PCDH15: variants seen among roughly 807,000 people sequenced by gnomAD.
The protein encoded by PCDH15 is protocadherin-15.
A neutral mutation model predicts 178.5 loss-of-function variants in PCDH15; 129 were observed. That is an observed-to-expected ratio of 0.72 (90% CI 0.63 to 0.84). The LOEUF is 0.84. Ranked by LOEUF, PCDH15 falls within the 40% of genes least tolerant of loss-of-function variation. The pLI is 0.00. For synonymous variants in PCDH15, 800 were observed against 732.0 expected, an observed-to-expected ratio of 1.09 and a Z score of -1.50; for missense variants, 2,230 against 2,099.9, an observed-to-expected ratio of 1.06 and a Z score of -1.21.
chr10:53,838,173 C>T (rs1330810249), intron 29 of PCDH15, among the ~76,000 whole-genome samples: 9 of 151,758 alleles, frequency 5.9e-5, no homozygotes, highest in African/African-American at 2.2e-4. Context: ...GACGGGGTTT[C>T]ACCGTGTTAG....
At chr10:54,153,038 A>T (rs1192470472) in intron 14 of PCDH15, 62 bp downstream of exon 14, 3 of 1,580,966 alleles carry the variant, frequency 1.9e-6, no homozygotes, top group Non-Finnish European at 2.6e-6. Context: ...GCGCTTCTTA[A>T]ATTTAATTAC....
intron 1 of PCDH15, among the ~76,000 whole-genome samples, chr10:55,207,946 G>C (rs904987706): frequency 6.6e-6 from 1 of 152,088 alleles, no homozygotes; most frequent in Admixed American, 6.5e-5. Flanking sequence ...TCCAGCCTAG[G>C]TGACAGAGTG....
intron 2 of PCDH15, among the ~76,000 whole-genome samples, chr10:54,548,998 T>G (rs2086212316): frequency 6.6e-6 from 1 of 151,804 alleles, no homozygotes; most frequent in African/African-American, 2.4e-5. Flanking sequence ...CATATATATT[T>G]CATATCATCT....
intron 15 of PCDH15, among the ~76,000 whole-genome samples, chr10:54,109,544 CAAATTAAGGGAAATAAGA>C (rs1388305027): frequency 1.1e-4 from 16 of 152,242 alleles, no homozygotes; most frequent in African/African-American, 3.1e-4. Context: ...TGGACATCAT[CAAATTAAGGGAAATAAGA>C]AAATTAAGGG....
chr10:54,010,855 G>A (rs1036954992), intron 20 of PCDH15, among the ~76,000 whole-genome samples: 7 of 152,140 alleles, frequency 4.6e-5, no homozygotes, highest in African/African-American at 1.7e-4. Flanking sequence ...CCCATCTCCA[G>A]CTGAGCATTC....
chr10:54,793,303 T>C (rs1951613304), intron 1 of PCDH15, among the ~76,000 whole-genome samples: 1 of 151,878 alleles, frequency 6.6e-6, no homozygotes, highest in South Asian at 2.1e-4. Context: ...TCAATATCTC[T>C]GGTGGCTCTG....
intron 2 of PCDH15, among the ~76,000 whole-genome samples, chr10:55,615,689 G>T (rs572930575): frequency 6.6e-6 from 1 of 151,930 alleles, no homozygotes; most frequent in Admixed American, 6.6e-5. Flanking sequence ...GCAACATAGT[G>T]GGATTCTGCT....
Position 53,803,477 on chromosome 10 carries a change from T to C in PCDH15, c.*3102A>G, listed in dbSNP as rs1840987826. 6.6e-6 allele frequency: 1 copy of C among 151,972 alleles called. No homozygotes were observed. Among genetic ancestry groups the C allele is most frequent in the South Asian group, 2.1e-4 (1 of 4,830 alleles). 9.4% of individuals were successfully genotyped at this position (151,972 alleles called of 1,614,324 possible). On this transcript the variant is annotated 3_prime_UTR_variant, in exon 38 of 38. Coordinates refer to ENST00000644397, the MANE Select transcript of PCDH15 (RefSeq NM_001384140.1). ...TTGGAACAACCACTTAAGTAAATAA[T>C]AGTCTTTAACATCCCTGTGAACAAT...
chr10:55,147,590 TCC>T (rs1248720519), intron 2 of PCDH15, among the ~76,000 whole-genome samples: 1 of 151,490 alleles, frequency 6.6e-6, no homozygotes, highest in Non-Finnish European at 1.5e-5. Flanking sequence ...CTTTCTTTCC[TCC>T]TTATGTCTCT....
At chr10:53,837,459 T>A (rs2077372589) in intron 29 of PCDH15, among the ~76,000 whole-genome samples, 1 of 152,178 alleles carries the variant, frequency 6.6e-6, no homozygotes, top group Non-Finnish European at 1.5e-5. Flanking sequence ...TGTCTATGCA[T>A]TTATGAGCTT....
At chr10:54,602,783 T>C (rs1000656460) in intron 2 of PCDH15, among the ~76,000 whole-genome samples, 2 of 152,056 alleles carry the variant, frequency 1.3e-5, no homozygotes, top group African/African-American at 2.4e-5. Context: ...GACTTATGCA[T>C]GTTCAACCAT....
At chr10:54,492,761 T>C (rs1330054688) in intron 3 of PCDH15, among the ~76,000 whole-genome samples, 1 of 152,110 alleles carries the variant, frequency 6.6e-6, no homozygotes, top group East Asian at 1.9e-4. Flanking sequence ...CTGTTCAATC[T>C]TATTATTAGG....
At chr10:54,707,975 G>T (rs1215367300) in intron 1 of PCDH15, among the ~76,000 whole-genome samples, 1 of 152,148 alleles carries the variant, frequency 6.6e-6, no homozygotes, top group Admixed American at 6.5e-5. Context: ...ATCTTTAAAT[G>T]CAGGTAATGA....
At chr10:54,481,540 C>A (rs1302379645) in intron 3 of PCDH15, among the ~76,000 whole-genome samples, 2 of 151,680 alleles carry the variant, frequency 1.3e-5, no homozygotes, top group Non-Finnish European at 3.0e-5. Context: ...TCAAAAATGG[C>A]AACTTGCTAT....
chr10:54,664,909 TA>T (rs759609948), intron 1 of PCDH15, among the ~76,000 whole-genome samples: 1,461 of 126,136 alleles, frequency 0.012, 3 homozygotes, highest in Middle Eastern at 0.017. Flanking sequence ...CCCAGCAAGT[TA>T]AAAAAAAAAA....
intron 1 of PCDH15, among the ~76,000 whole-genome samples, chr10:55,254,670 G>T (rs964099278): frequency 2.6e-5 from 4 of 152,142 alleles, no homozygotes; most frequent in Non-Finnish European, 5.9e-5. Flanking sequence ...AGCAATATGA[G>T]ATATTAAAAT....
At chr10:54,532,198 G>T (rs1003317665) in intron 2 of PCDH15, among the ~76,000 whole-genome samples, 2 of 151,954 alleles carry the variant, frequency 1.3e-5, no homozygotes, top group African/African-American at 4.8e-5. Flanking sequence ...TTAAAACCTT[G>T]CTTATTTTTA....
At chr10:54,502,904 T>C (rs2080828801) in intron 3 of PCDH15, among the ~76,000 whole-genome samples, 3 of 152,050 alleles carry the variant, frequency 2.0e-5, no homozygotes, top group Non-Finnish European at 4.4e-5. Context: ...ACTGTCTCTA[T>C]GTAAAAATTA....
At chr10:55,222,033 A>ATT (rs59795608) in intron 1 of PCDH15, among the ~76,000 whole-genome samples, 11 of 138,904 alleles carry the variant, frequency 7.9e-5, no homozygotes, top group African/African-American at 2.9e-4. Context: ...CACCCGGCTA[A>ATT]TTTTTTTTTT....
Sources: allele counts gnomAD v4.1 joint callset (sites outside exome capture counted in the v4.1 genomes callset), GRCh38; gene constraint gnomAD v4.1.1; transcripts MANE v1.5; gene names NCBI Gene and HGNC (gene_info 2026-07-23, HGNC 2026-07-21).